The following CDC23 variants were observed in gnomAD, a reference collection of about 807,000 sequenced individuals.
CDC23 encodes the protein cell division cycle protein 23 homolog.
Under a neutral mutation model 81.7 loss-of-function variants are expected in CDC23, and 26 were observed. The observed-to-expected ratio is 0.32, with a 90% CI of 0.23 to 0.44. The LOEUF (loss-of-function observed/expected upper bound fraction) is 0.44, where lower values mean the gene tolerates loss of function less well. CDC23 is among the 20% of genes least tolerant of loss of function. CDC23 has a pLI of 1.00. For missense variants in CDC23, 519 were observed against 728.0 expected (o/e 0.71, Z 3.30); for synonymous variants, 267 against 270.8 (o/e 0.99, Z 0.14).
chr5:138,189,784 CAG>C, intron 14 of CDC23, 32 bp from the exon 15 acceptor site: 1 of 1,613,378 alleles, frequency 6.2e-7, no homozygotes, highest in Non-Finnish European at 8.5e-7. Context: ...ACTGAGGTGA[CAG>C]TAATAATATC....
At chr5:138,195,660 C>CA (rs1754885621) in intron 9 of CDC23, among the ~76,000 whole-genome samples, 1 of 103,532 alleles carries the variant, frequency 9.7e-6, no homozygotes, top group Admixed American at 1.4e-4. Context: ...ATATTATATA[C>CA]ATATATTTTA....
rs556775699 is a variant in CDC23 at position 138,192,331 on chromosome 5, G to C, written c.1224C>G (p.Thr408=). 6.2e-7 allele frequency: 1 copy of C among 1,614,072 alleles called. No individual in the cohort carries two copies. Among genetic ancestry groups the C allele is most frequent in the African/African-American group, 1.3e-5 (1 of 74,920 alleles). Residue 408 remains threonine, a synonymous_variant, in exon 11 of 16, where the codon ACC becomes ACG. Transcript: ENST00000394886. ...DYRAWYGLGQ[T]YEILKMPFYC... The stretch of plus-strand genomic sequence containing the variant: ...AAAATGGCATCTTAAGGATTTCATA[G>C]GTCTGCCCGAGGCCATACCAAGCTC...
intron 2 of CDC23, 28 bp from the exon 3 acceptor site, chr5:138,206,712 G>T (rs1290765825): frequency 6.3e-7 from 1 of 1,592,246 alleles, no homozygotes; most frequent in East Asian, 2.2e-5. Flanking sequence ...TTATGTAAGT[G>T]GTTGGGAATA....
At chr5:138,195,740 T>TATATATGTATATATATAC (rs1754891734) in intron 9 of CDC23, among the ~76,000 whole-genome samples, 1 of 118,242 alleles carries the variant, frequency 8.5e-6, no homozygotes, top group Non-Finnish European at 1.7e-5. Context: ...ATACATATAA[T>TATATATGTATATATATAC]ATATATGTAT....
chr5:138,197,231 G>A lies in CDC23; in HGVS notation c.1012+968C>T, dbSNP rs150997990. On this transcript the variant is annotated intron_variant, in intron 9 of 15. Transcript: ENST00000394886. ...TGAGGCAGGAGAATGGTGTAAACCC[G>A]GGAGGCAGAGCTTTCAGTGAGCCAA... Among the ~76,000 whole-genome samples the A allele has an allele frequency of 2.2e-3, 324 of 148,342 alleles. 12 individuals carry two copies. Among genetic ancestry groups the A allele is most frequent in the African/African-American group, 7.8e-3 (307 of 39,336 alleles).
chr5:138,207,029 G>A (rs1180231443), intron 2 of CDC23, among the ~76,000 whole-genome samples: 1 of 151,674 alleles, frequency 6.6e-6, no homozygotes, highest in Non-Finnish European at 1.5e-5. Flanking sequence ...ACAGGTGTGC[G>A]CCACCACTTC....
intron 12 of CDC23, 141 bp from the exon 13 acceptor site, chr5:138,191,676 G>T: frequency 1.1e-6 from 1 of 951,098 alleles, no homozygotes; most frequent in Non-Finnish European, 1.7e-6. Flanking sequence ...GATAGGTCTA[G>T]GCTACACACT....
At chr5:138,191,788 A>G (rs1581482814) in intron 12 of CDC23, 74 bp downstream of exon 12, 1 of 1,214,924 alleles carries the variant, frequency 8.2e-7, no homozygotes, top group East Asian at 2.3e-5. Flanking sequence ...GGGAAAAATT[A>G]GAGCACAGAT....
rs141751356 is a variant in CDC23, at chr5:138,209,197, C to G, written c.235-2513G>C. ...ATCCCAGCACTTTGGGAGGCTAAGACAGGTGGATCACCTGAGGTCAAGAGT... is the reference window on the plus strand; with the variant it reads ...ATCCCAGCACTTTGGGAGGCTAAGAGAGGTGGATCACCTGAGGTCAAGAGT... On this transcript the variant is annotated intron_variant, in intron 2 of 15. Transcript: ENST00000394886. Among the ~76,000 whole-genome samples, 235 of 151,178 alleles carry G rather than the reference C, an allele frequency of 1.6e-3. 7 individuals carry two copies. The East Asian group carries it at 0.044, about 29-fold the overall frequency.
intron 2 of CDC23, 80 bp downstream of exon 2, chr5:138,212,911 C>G: frequency 8.5e-7 from 1 of 1,175,958 alleles, no homozygotes; most frequent in Non-Finnish European, 1.3e-6. Context: ...GTTTGCTCTC[C>G]TCCAGTGACA....
chr5:138,198,934 A>G, intron 6 of CDC23, 152 bp from the exon 7 acceptor site: 1 of 740,018 alleles, frequency 1.4e-6, no homozygotes, highest in South Asian at 1.9e-5. Flanking sequence ...AATTAACTGA[A>G]TATGACTTAC....
rs1754984000 is a variant in CDC23 at position 138,201,109 on chromosome 5, T to A, written c.652A>T (p.Met218Leu). ...ELCNLITDKE[M>L]LKFLSLPDTW... Reference sequence around the variant, plus strand: ...TCACATAGCTCATCACAATTTACCATCTCTTTGTCTGTGATCAGGTTACAG... The same window carrying A: ...TCACATAGCTCATCACAATTTACCAACTCTTTGTCTGTGATCAGGTTACAG... Residue 218 changes from methionine (M) to leucine (L), a missense_variant and splice_region_variant, in exon 6 of 16, where the codon ATG becomes TTG. By Grantham distance (15) the Met-to-Leu change is conservative (BLOSUM62 2). This residue lies in a region of CDC23 where 180 missense variants were observed against 239.3 expected (regional missense o/e 0.75). Coordinates refer to ENST00000394886, the MANE Select transcript of CDC23 (RefSeq NM_004661.4). 1 of 1,613,254 alleles carries A rather than the reference T, an allele frequency of 6.2e-7. No individual in the cohort carries two copies. Among genetic ancestry groups the A allele is most frequent in the African/African-American group, 1.3e-5 (1 of 74,876 alleles).
Position 138,198,619 on chromosome 5 carries a change from T to C in CDC23, c.818A>G (p.Tyr273Cys), listed in dbSNP as rs1404003591. 2 of 1,614,164 alleles carry C rather than the reference T, an allele frequency of 1.2e-6. No homozygotes were observed. Among genetic ancestry groups the C allele is most frequent in the Non-Finnish European group, 1.7e-6 (2 of 1,179,994 alleles). ...SYIVSQIAVA[Y>C]HNIRDIDKAL... ...TATTCACTCACCTCTGATATTGTGA[T>C]AGGCAACTGCAATTTGGGAAACAAT... The change falls in exon 7 of 16, where the codon TAT (tyrosine) becomes TGT (cysteine). Residue 273 changes from tyrosine to cysteine, a missense_variant. By Grantham distance (194) the Tyr-to-Cys change is radical. Coordinates refer to ENST00000394886, the MANE Select transcript of CDC23 (RefSeq NM_004661.4).
intron 2 of CDC23, among the ~76,000 whole-genome samples, chr5:138,209,167 C>CT (rs1755085720): frequency 6.6e-6 from 1 of 151,922 alleles, no homozygotes; most frequent in Admixed American, 6.6e-5. Flanking sequence ...TGGCTCATGC[C>CT]TGTAATCCCA....
At chr5:138,205,638 A>T (rs1288274211) in intron 3 of CDC23, among the ~76,000 whole-genome samples, 1 of 151,734 alleles carries the variant, frequency 6.6e-6, no homozygotes, top group African/African-American at 2.4e-5. Context: ...GTTGCACATT[A>T]TGAATGCATT....
chr5:138,198,432 A>G lies in CDC23; in HGVS notation c.924T>C (p.Tyr308=), dbSNP rs777855079. 2.5e-6 allele frequency: 4 copies of G among 1,613,778 alleles called. No individual in the cohort carries two copies. Among genetic ancestry groups the G allele is most frequent in the Non-Finnish European group, 3.4e-6 (4 of 1,179,808 alleles). The stretch of plus-strand genomic sequence containing the variant: ...AGCAAGGGAAGCAGCTCACCCTGAC[A>G]TAAAGAAGGTTGGAGAATGTGTCCA... ...ENMDTFSNLL[Y]VRSMKSELSY... The change falls in exon 8 of 16, where the codon TAT becomes TAC. Residue 308 remains tyrosine (Y), a synonymous_variant. Transcript: ENST00000394886.
chr5:138,209,839 T>G (rs1451310843), intron 2 of CDC23, among the ~76,000 whole-genome samples: 1 of 144,942 alleles, frequency 6.9e-6, no homozygotes, highest in Admixed American at 6.9e-5. Context: ...AAAAAAAAAA[T>G]TGAGAGTAAG....
rs750186030 is a variant in CDC23 at position 138,192,380 on chromosome 5, A to G, written c.1175T>C (p.Ile392Thr). 2.5e-6 allele frequency: 4 copies of G among 1,614,218 alleles called. No homozygotes were observed. Among genetic ancestry groups the G allele is most frequent in the East Asian group, 2.2e-5 (1 of 44,880 alleles). The change falls in exon 11 of 16, where the codon ATT (isoleucine) becomes ACT (threonine). Residue 392 changes from isoleucine (I) to threonine (T), a missense_variant. Coordinates refer to ENST00000394886, the MANE Select transcript of CDC23 (RefSeq NM_004661.4). ...TCTGTAGTCCCGTTTGTTGACCTCA[A>G]TGGCATGTCTAAGAAATGGAAAAGA... ...SAAIQAYRHA[I>T]EVNKRDYRAW...
intron 6 of CDC23, 80 bp downstream of exon 6, chr5:138,201,027 A>C: frequency 6.6e-7 from 1 of 1,515,160 alleles, no homozygotes. Context: ...CCCTGCCAAA[A>C]CTTTCCCCAC....
Sources: gnomAD v4.1 joint callset for allele counts (sites outside exome capture counted in the v4.1 genomes callset) on GRCh38, gnomAD v4.1.1 for gene constraint, gnomAD v4.1.1 regional missense constraint, MANE v1.5 for transcripts, NCBI Gene and HGNC (gene_info 2026-07-23, HGNC 2026-07-21) for gene names.